SLC32A1: variants seen among roughly 807,000 people sequenced by gnomAD.
The protein encoded by SLC32A1 is solute carrier family 32 member 1.
SLC32A1 carries 8 observed loss-of-function variants against 35.5 expected under a neutral mutation model. The ratio of observed to expected loss-of-function variants is 0.23; its 90% CI spans 0.13 to 0.41. The LOEUF is 0.41. SLC32A1 is among the 10% of genes least tolerant of loss of function. The probability of loss-of-function intolerance (pLI) is 1.00; values close to 1 mark genes in which losing one functional copy is unlikely to be tolerated. For missense variants in SLC32A1, 493 were observed against 722.3 expected, an observed-to-expected ratio of 0.68 and a Z score of 3.64; for synonymous variants, 317 against 326.3, an observed-to-expected ratio of 0.97 and a Z score of 0.31.
chr20:38,724,991 C>A lies in SLC32A1; in HGVS notation c.267C>A (p.Ser89Arg). Reference protein sequence around the residue: ...VEGDIHYQRGSGAPLPPSGSK... With the variant: ...VEGDIHYQRGRGAPLPPSGSK... ...GAGACATCCATTATCAGCGAGGCAG[C>A]GGAGCTCCTCTGCCGCCCTCCGGCT... The change falls in exon 1 of 2, where the codon AGC (serine) becomes AGA (arginine). Residue 89 changes from serine to arginine, a missense_variant. Coordinates refer to ENST00000217420, the MANE Select transcript of SLC32A1 (RefSeq NM_080552.3). 1 of 1,585,214 alleles carries A rather than the reference C, an allele frequency of 6.3e-7. No individual in the cohort carries two copies. Among genetic ancestry groups the A allele is most frequent in the Non-Finnish European group, 8.6e-7 (1 of 1,165,160 alleles).
rs1183653754 is a variant in SLC32A1 at position 38,728,671 on chromosome 20, C to T, written c.*32C>T. ...AGGGCGAGCCCCCGCCGCGCTTCTG[C>T]GCTCTCTCCCTTCTCCCCTCACCCC... On this transcript the variant is annotated 3_prime_UTR_variant, in exon 2 of 2. Transcript: ENST00000217420. 9 of 1,544,256 alleles carry T rather than the reference C, an allele frequency of 5.8e-6. No homozygotes were observed. Among genetic ancestry groups the T allele is most frequent in the Non-Finnish European group, 7.0e-6 (8 of 1,142,742 alleles).
chr20:38,725,165 G>C (rs779676928), intron 1 of SLC32A1, 51 bp downstream of exon 1: 1 of 1,498,494 alleles, frequency 6.7e-7, no homozygotes. Context: ...CCAGCTCAGC[G>C]TGCCGGGCTC....
rs377280130 is a variant in SLC32A1, at chr20:38,728,882, G to C, written c.*243G>C. 11 of 511,054 alleles carry C rather than the reference G, an allele frequency of 2.2e-5. No individual in the cohort carries two copies. The highest frequency in any genetic ancestry group is 3.6e-5 in the Admixed American group (1 of 27,816). 31.7% of individuals were successfully genotyped at this position (511,054 alleles called of 1,614,324 possible). ...ACACCCTGGTTTTGGGGGGAGGCGG[G>C]GTGCATTTGCGGGCAGGGTTCTCTG... On this transcript the variant is annotated 3_prime_UTR_variant, in exon 2 of 2. Coordinates refer to ENST00000217420, the MANE Select transcript of SLC32A1 (RefSeq NM_080552.3).
intron 1 of SLC32A1, among the ~76,000 whole-genome samples, chr20:38,725,511 G>A (rs1249587319): frequency 1.3e-5 from 2 of 152,118 alleles, no homozygotes; most frequent in African/African-American, 4.8e-5. Flanking sequence ...AAAGAAGAAG[G>A]GGAAATCGCT....
At position 38,724,702 on chromosome 20, in the gene SLC32A1, T is replaced by A; in HGVS notation, c.-23T>A. The A allele has an allele frequency of 6.3e-7, 1 of 1,579,452 alleles. No individual in the cohort carries two copies. The highest frequency in any genetic ancestry group is 2.3e-5 in the East Asian group (1 of 44,338). On this transcript the variant is annotated 5_prime_UTR_variant, in exon 1 of 2. Coordinates refer to ENST00000217420, the MANE Select transcript of SLC32A1 (RefSeq NM_080552.3). The stretch of plus-strand genomic sequence containing the variant: ...CCCGCATCCTCGGGTCCTTCTGTCC[T>A]TTCCGCTGTCCCCACCGCCGCCATG...
rs1248697937 is a variant in SLC32A1, at chr20:38,726,921, T to C, written c.391-531T>C. 6.6e-6 allele frequency among the ~76,000 whole-genome samples: 1 copy of C among 152,156 alleles called. No individual in the cohort carries two copies. The highest frequency in any genetic ancestry group is 1.5e-5 in the Non-Finnish European group (1 of 68,028). ...AACGTTTCCTCCTCTGGTCTGAGCCTGAGACGCCCGAGTTTTCCTCTTTAG... is the reference window on the plus strand; with the variant it reads ...AACGTTTCCTCCTCTGGTCTGAGCCCGAGACGCCCGAGTTTTCCTCTTTAG... On this transcript the variant is annotated intron_variant, in intron 1 of 1. Transcript: ENST00000217420. The surrounding 1 kb of genome is among the most constrained non-coding windows in gnomAD (Gnocchi z 4.7).
intron 1 of SLC32A1, 139 bp downstream of exon 1, chr20:38,725,253 C>G: frequency 8.8e-7 from 1 of 1,138,466 alleles, no homozygotes; most frequent in South Asian, 2.2e-5. Context: ...TCCATCCCTC[C>G]CAGCCCTGCG....
In SLC32A1 at chr20:38,728,305, G is replaced by T. The variant is rs1255064268; in HGVS notation, c.1244G>T (p.Arg415Leu). 5.0e-6 allele frequency: 8 copies of T among 1,613,678 alleles called. No homozygotes were observed. Among genetic ancestry groups the T allele is most frequent in the Non-Finnish European group, 6.8e-6 (8 of 1,179,800 alleles). ...LEKSLFQEGS[R>L]AFFPACYSGD... ...AAGTCGCTCTTCCAGGAAGGCAGCCGCGCCTTTTTCCCGGCCTGCTACAGC... is the reference window on the plus strand; with the variant it reads ...AAGTCGCTCTTCCAGGAAGGCAGCCTCGCCTTTTTCCCGGCCTGCTACAGC... The change falls in exon 2 of 2, where the codon CGC becomes CTC. Residue 415 changes from arginine (R) to leucine (L), a missense_variant. Physicochemically the swap from Arg to Leu is moderately radical, Grantham distance 102 (BLOSUM62 -2). Transcript: ENST00000217420.
chr20:38,727,463 G>T lies in SLC32A1; in HGVS notation c.402G>T (p.Val134=). The part of the protein sequence containing the change: ...NVTNAIQGMF[V]LGLPYAILHG... ...TCTCCGCCCCACAGGGCATGTTCGT[G>T]CTGGGCCTACCCTACGCCATCCTGC... The change falls in exon 2 of 2, where the codon GTG becomes GTT. Residue 134 remains valine, a synonymous_variant. Coordinates refer to ENST00000217420, the MANE Select transcript of SLC32A1 (RefSeq NM_080552.3). 1.9e-6 allele frequency: 3 copies of T among 1,608,108 alleles called. No individual in the cohort carries two copies. Among genetic ancestry groups the T allele is most frequent in the Non-Finnish European group, 8.5e-7 (1 of 1,179,544 alleles).
In SLC32A1 at chr20:38,728,282, G is replaced by T. The variant is rs759666849; in HGVS notation, c.1221G>T (p.Lys407Asn). ...PFFAAVEVLE[K>N]SLFQEGSRAF... ...TTGCCGCTGTCGAGGTGCTGGAGAA[G>T]TCGCTCTTCCAGGAAGGCAGCCGCG... The change falls in exon 2 of 2, where the codon AAG (lysine) becomes AAT (asparagine). Residue 407 changes from lysine to asparagine, a missense_variant. Transcript: ENST00000217420. 2 of 1,613,568 alleles carry T rather than the reference G, an allele frequency of 1.2e-6. No individual in the cohort carries two copies. Among genetic ancestry groups the T allele is most frequent in the Admixed American group, 1.7e-5 (1 of 60,004 alleles).
At position 38,727,435 on chromosome 20, in the gene SLC32A1, G is replaced by A. The variant is rs533392482; in HGVS notation, c.391-17G>A. 6.3e-7 allele frequency: 1 copy of A among 1,598,616 alleles called. No individual in the cohort carries two copies. Among genetic ancestry groups the A allele is most frequent in the East Asian group, 2.2e-5 (1 of 44,634 alleles). On this transcript the variant is annotated splice_polypyrimidine_tract_variant and intron_variant, in intron 1 of 1. Transcript: ENST00000217420. ...GTTCGCTGAGCGTCCGCGTCTGGTT[G>A]CCTCTCCGCCCCACAGGGCATGTTC...
rs541350129 is a variant in SLC32A1, at chr20:38,724,579, C to A, written c.-146C>A. The A allele has an allele frequency of 5.0e-6, 5 of 1,009,674 alleles. No individual in the cohort carries two copies. The highest frequency in any genetic ancestry group is 7.0e-6 in the Non-Finnish European group (5 of 711,604). 62.5% of individuals were successfully genotyped at this position (1,009,674 alleles called of 1,614,324 possible). A position where few individuals can be genotyped will look rare whatever the true frequency, so the allele number is the denominator to read the frequency against. ...CTGAGAGAGCCTCGAACGCCAGCTG[C>A]GAGGGTCATGAGCCAGAGAGCCCCG... On this transcript the variant is annotated 5_prime_UTR_variant, in exon 1 of 2. Coordinates refer to ENST00000217420, the MANE Select transcript of SLC32A1 (RefSeq NM_080552.3).
Position 38,727,556 on chromosome 20 carries a change from C to T in SLC32A1, c.495C>T (p.Ile165=), listed in dbSNP as rs2084281387. ...TTGTGTGCTGCTACACCGGCAAGAT[C>T]CTCATCGCGTGCCTGTACGAGGAGA... ...AAVVCCYTGK[I]LIACLYEENE... The change falls in exon 2 of 2, where the codon ATC becomes ATT. Residue 165 remains isoleucine, a synonymous_variant. Coordinates refer to ENST00000217420, the MANE Select transcript of SLC32A1 (RefSeq NM_080552.3). The T allele has an allele frequency of 6.2e-7, 1 of 1,610,042 alleles. No individual in the cohort carries two copies. Among genetic ancestry groups the T allele is most frequent in the Non-Finnish European group, 8.5e-7 (1 of 1,180,034 alleles).
At position 38,724,803 on chromosome 20, in the gene SLC32A1, A is replaced by G. The variant is rs1234723662; in HGVS notation, c.79A>G (p.Met27Val). The change falls in exon 1 of 2, where the codon ATG becomes GTG. Residue 27 changes from methionine to valine, a missense_variant. Met to Val is a conservative substitution (Grantham distance 21). This residue lies in a region of SLC32A1 where 133 missense variants were observed against 145.9 expected (regional missense o/e 0.91). Coordinates refer to ENST00000217420, the MANE Select transcript of SLC32A1 (RefSeq NM_080552.3). ...SNKSQAKMSGMFARMGFQAAT... is the reference protein window; with the variant it reads ...SNKSQAKMSGVFARMGFQAAT... ...CAAGTCCCAGGCCAAGATGAGCGGCATGTTCGCCAGGATGGGTTTTCAGGC... is the reference window on the plus strand; with the variant it reads ...CAAGTCCCAGGCCAAGATGAGCGGCGTGTTCGCCAGGATGGGTTTTCAGGC... 2 of 1,613,892 alleles carry G rather than the reference A, an allele frequency of 1.2e-6. No individual in the cohort carries two copies. The highest frequency in any genetic ancestry group is 2.2e-5 in the East Asian group (1 of 44,896).
intron 1 of SLC32A1, 143 bp from the exon 2 acceptor site, chr20:38,727,309 C>T (rs1383084795): frequency 3.3e-5 from 24 of 719,340 alleles, no homozygotes; most frequent in Non-Finnish European, 5.5e-5. Context: ...TGCTCTTAAC[C>T]TCTCCTCCCC....
At position 38,724,636 on chromosome 20, in the gene SLC32A1, G is replaced by A; in HGVS notation, c.-89G>A. 6.7e-7 allele frequency: 1 copy of A among 1,482,788 alleles called. No homozygotes were observed. Among genetic ancestry groups the A allele is most frequent in the Non-Finnish European group, 9.0e-7 (1 of 1,116,966 alleles). 91.9% of individuals were successfully genotyped at this position (1,482,788 alleles called of 1,614,324 possible). ...CGCGCGGAGAGCAAGCGGAGATAGC[G>A]ACTTTGCGCCCCCCAGCCCTCGCCT... On this transcript the variant is annotated 5_prime_UTR_variant, in exon 1 of 2. Coordinates refer to ENST00000217420, the MANE Select transcript of SLC32A1 (RefSeq NM_080552.3).
rs1480172420 is a variant in SLC32A1 at position 38,726,534 on chromosome 20, C to T, written c.391-918C>T. Among the ~76,000 whole-genome samples the T allele has an allele frequency of 6.6e-6, 1 of 152,204 alleles. No homozygotes were observed. The highest frequency in any genetic ancestry group is 1.5e-5 in the Non-Finnish European group (1 of 68,030). On this transcript the variant is annotated intron_variant, in intron 1 of 1. Transcript: ENST00000217420. This position sits in a 1 kb window ranked among gnomAD's most constrained non-coding sequence, Gnocchi z 4.7. ...CCTCCGGGACCCTGGATTTCGTTAG[C>T]TCTTAGTCCCCGTGTGGATTCTAAA... is the stretch of plus-strand genomic sequence containing the variant.
Position 38,728,643 on chromosome 20 carries a change from G to T in SLC32A1, c.*4G>T, listed in dbSNP as rs763557654. 1 of 1,578,850 alleles carries T rather than the reference G, an allele frequency of 6.3e-7. No homozygotes were observed. Among genetic ancestry groups the T allele is most frequent in the Non-Finnish European group, 8.6e-7 (1 of 1,162,766 alleles). ...CCGAACCAACGCGGAGGACTAGGGC[G>T]CAAGGGCGAGCCCCCGCCGCGCTTC... is the stretch of plus-strand genomic sequence containing the variant. On this transcript the variant is annotated 3_prime_UTR_variant, in exon 2 of 2. Coordinates refer to ENST00000217420, the MANE Select transcript of SLC32A1 (RefSeq NM_080552.3).
intron 1 of SLC32A1, 110 bp downstream of exon 1, chr20:38,725,224 AC>A: frequency 7.5e-7 from 1 of 1,326,612 alleles, no homozygotes; most frequent in South Asian, 1.7e-5. Context: ...CCCCTCCTGT[AC>A]CCAGGAATCT....
Sources: allele counts gnomAD v4.1 joint callset (sites outside exome capture counted in the v4.1 genomes callset), GRCh38; gene constraint gnomAD v4.1.1; regional missense constraint gnomAD v4.1.1; non-coding constraint Gnocchi (gnomAD v3.1); transcripts MANE v1.5; gene names NCBI Gene and HGNC (gene_info 2026-07-23, HGNC 2026-07-21).